The following ILDR1 variants were observed in gnomAD, a reference collection of about 807,000 sequenced individuals.
ILDR1 encodes immunoglobulin-like domain-containing receptor 1.
In ILDR1, 56 loss-of-function variants were observed where a neutral mutation model predicts 62.4. That is an observed-to-expected ratio of 0.90 (90% CI 0.72 to 1.12). The LOEUF (loss-of-function observed/expected upper bound fraction) is 1.12. Ranked by LOEUF, ILDR1 falls within the 50% of genes most tolerant of loss-of-function variation. The pLI is 0.00. For missense variants in ILDR1, 736 were observed against 710.6 expected (o/e 1.04, Z -0.41); for synonymous variants, 284 against 277.8 (o/e 1.02, Z -0.22).
chr3:122,008,833 T>C (rs1576729479), intron 1 of ILDR1, among the ~76,000 whole-genome samples: 1 of 152,062 alleles, frequency 6.6e-6, no homozygotes, highest in African/African-American at 2.4e-5. Context: ...CCTGAAATGA[T>C]CCACCCGCCT....
At chr3:122,054,540 G>C in the ILDR1 span, among the ~76,000 whole-genome samples, 34 of 152,168 alleles carry the variant, frequency 2.2e-4, no homozygotes, top group South Asian at 6.7e-3. Flanking sequence ...GGTTGAGTAA[G>C]ATGCCAAGTT....
At chr3:121,992,775 G>A (rs1193537565) in intron 7 of ILDR1, among the ~76,000 whole-genome samples, 1 of 152,236 alleles carries the variant, frequency 6.6e-6, no homozygotes, top group Non-Finnish European at 1.5e-5. Context: ...AAGCAGCTGT[G>A]AAGGAAGGTG....
the ILDR1 span, among the ~76,000 whole-genome samples, chr3:122,039,867 G>T: frequency 6.6e-6 from 1 of 152,022 alleles, no homozygotes; most frequent in South Asian, 2.1e-4. Flanking sequence ...TAGCACAATT[G>T]TAAAATTTAC....
At chr3:122,060,846 T>G in the ILDR1 span, among the ~76,000 whole-genome samples, 1 of 152,116 alleles carries the variant, frequency 6.6e-6, no homozygotes, top group Non-Finnish European at 1.5e-5. Context: ...GTAAAGCCTC[T>G]GGTGAATCTG....
the ILDR1 span, among the ~76,000 whole-genome samples, chr3:122,046,891 G>C: frequency 2.8e-5 from 4 of 145,380 alleles, no homozygotes; most frequent in African/African-American, 1.0e-4. Context: ...AGAGTAATTT[G>C]ACCGTCTGAA....
chr3:122,008,033 C>G (rs942253926), intron 1 of ILDR1, among the ~76,000 whole-genome samples: 2 of 152,300 alleles, frequency 1.3e-5, no homozygotes, highest in East Asian at 1.9e-4. Flanking sequence ...ATACCAGTGC[C>G]CAGTACTGTG....
intron 7 of ILDR1, among the ~76,000 whole-genome samples, chr3:121,988,913 C>T (rs556255820): frequency 7.2e-5 from 11 of 152,306 alleles, no homozygotes; most frequent in Non-Finnish European, 1.5e-4. Flanking sequence ...CCTGACCAAA[C>T]TCAGTGGCTT....
At position 121,987,609 on chromosome 3, in the gene ILDR1, G is replaced by A. The variant is rs1448350483; in HGVS notation, c.*758C>T. 6.6e-6 allele frequency: 1 copy of A among 152,414 alleles called. No homozygotes were observed. Among genetic ancestry groups the A allele is most frequent in the Non-Finnish European group, 1.5e-5 (1 of 68,288 alleles). The allele number at this position is 152,414 out of a possible 1,614,324, so 9.4% of individuals were successfully genotyped here. ...ACTCCTAACAAGAAAGGACCCTCAA[G>A]ACATGCCATGGAGGAAGATACATTC... On this transcript the variant is annotated 3_prime_UTR_variant, in exon 8 of 8. Transcript: ENST00000344209.
At chr3:122,012,321 AT>A (rs1033625356) in intron 1 of ILDR1, among the ~76,000 whole-genome samples, 2 of 151,882 alleles carry the variant, frequency 1.3e-5, no homozygotes, top group Admixed American at 6.6e-5. Context: ...CAAATTCTTA[AT>A]TTTTTTTCTA....
intron 3 of ILDR1, 21 bp downstream of exon 3, chr3:122,005,223 T>G: frequency 5.0e-5 from 29 of 575,788 alleles, no homozygotes; most frequent in Non-Finnish European, 8.2e-5. Context: ...CCAGTTCCCC[T>G]GACACCTCCC....
the ILDR1 span, among the ~76,000 whole-genome samples, chr3:122,031,268 C>T: frequency 2.0e-5 from 3 of 152,190 alleles, no homozygotes; most frequent in Non-Finnish European, 4.4e-5. Flanking sequence ...AGTTTTCACA[C>T]TGTGTTCTGA....
chr3:122,023,749 T>C (rs2071897054), upstream of ILDR1, among the ~76,000 whole-genome samples: 1 of 152,008 alleles, frequency 6.6e-6, no homozygotes, highest in Non-Finnish European at 1.5e-5. Flanking sequence ...TGGTAAAATG[T>C]TTAGGAGCCT....
At chr3:122,005,789 C>T (rs1015772427) in intron 2 of ILDR1, among the ~76,000 whole-genome samples, 2 of 152,082 alleles carry the variant, frequency 1.3e-5, no homozygotes, top group Non-Finnish European at 2.9e-5. Context: ...GTCCCAGCTA[C>T]TCGGGAGGCT....
At chr3:121,996,422 T>G (rs1368841050) in intron 5 of ILDR1, among the ~76,000 whole-genome samples, 2 of 152,184 alleles carry the variant, frequency 1.3e-5, no homozygotes, top group Non-Finnish European at 1.5e-5. Context: ...CTTCTTGCAC[T>G]AAAACTAATG....
intron 1 of ILDR1, 37 bp from the exon 2 acceptor site, chr3:122,007,198 C>T: frequency 6.2e-7 from 1 of 1,613,872 alleles, no homozygotes; most frequent in South Asian, 1.1e-5. Flanking sequence ...TGAAGGTGAC[C>T]TACTCTGCTC....
the ILDR1 span, among the ~76,000 whole-genome samples, chr3:122,041,796 CTT>C: frequency 4.7e-5 from 7 of 148,416 alleles, no homozygotes; most frequent in Admixed American, 2.7e-4. Context: ...TTAGATTTAA[CTT>C]TTTTTTTTCT....
intron 5 of ILDR1, among the ~76,000 whole-genome samples, chr3:121,998,882 G>A (rs2071476429): frequency 6.6e-6 from 1 of 152,184 alleles, no homozygotes; most frequent in South Asian, 2.1e-4. Flanking sequence ...CTGTAGGAAT[G>A]CAGACTCTCA....
At position 121,993,883 on chromosome 3, in the gene ILDR1, A is replaced by C. The variant is rs141450561; in HGVS notation, c.866T>G (p.Leu289Trp). 2.4e-4 allele frequency: 381 copies of C among 1,614,032 alleles called. 2 individuals are homozygous for C. Among genetic ancestry groups the C allele is most frequent in the Admixed American group, 7.0e-4 (42 of 60,022 alleles). The change falls in exon 7 of 8, where the codon TTG becomes TGG. Residue 289 changes from leucine to tryptophan, a missense_variant. Transcript: ENST00000344209. ...GTTGAGGTTCCGCAGTTCTTTCTCC[A>C]AATACTCCAGGACACCATTGGCGAT... is the stretch of plus-strand genomic sequence containing the variant. ...PPIANGVLEY[L>W]EKELRNLNLA...
At chr3:122,010,475 G>A (rs752531423) in intron 1 of ILDR1, among the ~76,000 whole-genome samples, 8 of 152,138 alleles carry the variant, frequency 5.3e-5, no homozygotes, top group Non-Finnish European at 7.4e-5. Context: ...TGCTGTCTCC[G>A]TAAGCTGTAG....
Sources: gnomAD v4.1 joint callset for allele counts (sites outside exome capture counted in the v4.1 genomes callset) on GRCh38, gnomAD v4.1.1 for gene constraint, MANE v1.5 for transcripts, NCBI Gene and HGNC (gene_info 2026-07-23, HGNC 2026-07-21) for gene names.